The following PCDH15 variants were observed in gnomAD, a reference collection of about 807,000 sequenced individuals.
PCDH15 encodes protocadherin related 15.
In PCDH15, 129 loss-of-function variants were observed where a neutral mutation model predicts 178.5. The observed-to-expected ratio is 0.72, with a 90% CI of 0.63 to 0.84. PCDH15 has a LOEUF of 0.84. Among genes scored for constraint, PCDH15 ranks in the 40% least tolerant of loss-of-function variants. The probability of loss-of-function intolerance (pLI) is 0.00; values close to 1 mark genes in which losing one functional copy is unlikely to be tolerated. For synonymous variants in PCDH15, 800 were observed against 732.0 expected (o/e 1.09, Z -1.50); for missense variants, 2,230 against 2,099.9 (o/e 1.06, Z -1.21).
At chr10:54,193,635 C>G (rs1325268734) in intron 11 of PCDH15, among the ~76,000 whole-genome samples, 1 of 152,054 alleles carries the variant, frequency 6.6e-6, no homozygotes, top group Non-Finnish European at 1.5e-5. Flanking sequence ...ACTCATGAAA[C>G]CCACTATACA....
intron 2 of PCDH15, among the ~76,000 whole-genome samples, chr10:54,547,393 A>C (rs927397546): frequency 6.6e-6 from 1 of 152,172 alleles, no homozygotes; most frequent in Non-Finnish European, 1.5e-5. Context: ...TGTAGAGCTT[A>C]AAAATCAATA....
chr10:54,220,572 C>A (rs990690630), intron 9 of PCDH15, among the ~76,000 whole-genome samples: 3 of 152,122 alleles, frequency 2.0e-5, no homozygotes, highest in Non-Finnish European at 2.9e-5. Context: ...AAATACATCT[C>A]CTTAGCACTT....
Position 53,803,402 on chromosome 10 carries a change from A to G in PCDH15, c.*3177T>C, listed in dbSNP as rs1415632745. On this transcript the variant is annotated 3_prime_UTR_variant, in exon 38 of 38. Coordinates refer to ENST00000644397, the MANE Select transcript of PCDH15 (RefSeq NM_001384140.1). ...ATATTCAATTACTTCTGGCTCTATG[A>G]TATAAAAATGTTTTTAAATAATATT... The G allele has an allele frequency of 6.6e-6, 1 of 151,970 alleles. No individual in the cohort carries two copies. The highest frequency in any genetic ancestry group is 2.4e-5 in the African/African-American group (1 of 41,426). The allele number at this position is 151,970 out of a possible 1,614,324, so 9.4% of individuals were successfully genotyped here. A position where few individuals can be genotyped will look rare whatever the true frequency, so the allele number is the denominator to read the frequency against.
At chr10:54,025,559 TG>T (rs2093058145) in intron 18 of PCDH15, among the ~76,000 whole-genome samples, 1 of 150,790 alleles carries the variant, frequency 6.6e-6, no homozygotes, top group Non-Finnish European at 1.5e-5. Context: ...AGTGCAGTGG[TG>T]CGATCTCGGC....
At chr10:55,345,141 GTCTC>G (rs764374706) in intron 2 of PCDH15, among the ~76,000 whole-genome samples, 2 of 150,718 alleles carry the variant, frequency 1.3e-5, no homozygotes, top group Non-Finnish European at 2.9e-5. Flanking sequence ...GTGTGTGTGT[GTCTC>G]TCTCTCTCTC....
chr10:54,489,462 C>T (rs1197455086), intron 3 of PCDH15, among the ~76,000 whole-genome samples: 1 of 152,068 alleles, frequency 6.6e-6, no homozygotes, highest in Non-Finnish European at 1.5e-5. Flanking sequence ...ATATGCTCCT[C>T]ATTTCTTACA....
At chr10:54,034,013 T>C (rs1003760312) in intron 18 of PCDH15, among the ~76,000 whole-genome samples, 8 of 151,806 alleles carry the variant, frequency 5.3e-5, no homozygotes, top group Non-Finnish European at 8.8e-5. Context: ...TCTTGTATCA[T>C]TTCTAGAAAA....
chr10:54,726,370 G>T (rs1942495857), intron 1 of PCDH15, among the ~76,000 whole-genome samples: 1 of 151,340 alleles, frequency 6.6e-6, no homozygotes, highest in Non-Finnish European at 1.5e-5. Context: ...TGATTCTCCA[G>T]TCATACCTCA....
At chr10:54,463,915 A>C (rs186026001) in intron 3 of PCDH15, among the ~76,000 whole-genome samples, 42 of 152,326 alleles carry the variant, frequency 2.8e-4, no homozygotes, top group African/African-American at 1.0e-3. Context: ...CATTTGAGAC[A>C]GAGAAAACAA....
chr10:53,979,640 T>C (rs2090462692), intron 21 of PCDH15, among the ~76,000 whole-genome samples: 1 of 152,212 alleles, frequency 6.6e-6, no homozygotes, highest in Non-Finnish European at 1.5e-5. Context: ...GCTTTTGTAC[T>C]CATGGGCCTC....
At position 54,185,010 on chromosome 10, in the gene PCDH15, TA is replaced by T. The variant is rs1233600834; in HGVS notation, c.1440+123del. 16 of 1,142,032 alleles carry T rather than the reference TA, an allele frequency of 1.4e-5. No homozygotes were observed. In the African/African-American group the frequency reaches 2.2e-4, roughly 16 times the overall value. The allele number at this position is 1,142,032 out of a possible 1,614,324, so 70.7% of individuals were successfully genotyped here. Reference sequence around the variant, plus strand: ...TTGATCTTCTCTCTGGTATTGAAAATAATGTATTTTTCCCCCAAGTCATTGA... The same window carrying T: ...TTGATCTTCTCTCTGGTATTGAAAATATGTATTTTTCCCCCAAGTCATTGA... On this transcript the variant is annotated intron_variant, in intron 12 of 37. Transcript: ENST00000644397.
intron 2 of PCDH15, among the ~76,000 whole-genome samples, chr10:55,401,862 T>A (rs1838079123): frequency 6.6e-6 from 1 of 152,068 alleles, no homozygotes; most frequent in African/African-American, 2.4e-5. Flanking sequence ...ACAGTTCTCA[T>A]TAAAACGTTT....
At chr10:53,930,803 A>C (rs2133976261) in intron 25 of PCDH15, among the ~76,000 whole-genome samples, 1 of 152,258 alleles carries the variant, frequency 6.6e-6, no homozygotes, top group Admixed American at 6.5e-5. Flanking sequence ...GATGGATTTG[A>C]AACTGAACTC....
At chr10:55,606,770 A>G (rs1468524968) in intron 2 of PCDH15, among the ~76,000 whole-genome samples, 18 of 144,664 alleles carry the variant, frequency 1.2e-4, no homozygotes, top group African/African-American at 4.4e-4. Context: ...AGACTTAAAC[A>G]TTAGACCTAA....
At chr10:54,530,855 T>C (rs1371791887) in intron 2 of PCDH15, among the ~76,000 whole-genome samples, 2 of 152,166 alleles carry the variant, frequency 1.3e-5, no homozygotes, top group Admixed American at 6.6e-5. Context: ...ACATAATAAA[T>C]AATCTATTAA....
intron 2 of PCDH15, among the ~76,000 whole-genome samples, chr10:55,527,460 T>C (rs1179170042): frequency 6.6e-6 from 1 of 152,002 alleles, no homozygotes; most frequent in Non-Finnish European, 1.5e-5. Context: ...ACTCCATTTA[T>C]GTAGATTAGG....
At chr10:54,285,606 T>C (rs1472880152) in intron 8 of PCDH15, among the ~76,000 whole-genome samples, 2 of 152,110 alleles carry the variant, frequency 1.3e-5, no homozygotes, top group Non-Finnish European at 2.9e-5. Flanking sequence ...GGAAACTCTA[T>C]TACACTGTTT....
chr10:54,592,805 A>T (rs2091968074), intron 2 of PCDH15, among the ~76,000 whole-genome samples: 2 of 152,154 alleles, frequency 1.3e-5, no homozygotes, highest in South Asian at 4.1e-4. Flanking sequence ...TTACATTCCC[A>T]TCAATATGTC....
At chr10:54,944,095 G>T (rs185009772) in intron 2 of PCDH15, among the ~76,000 whole-genome samples, 1 of 151,958 alleles carries the variant, frequency 6.6e-6, no homozygotes, top group African/African-American at 2.4e-5. Flanking sequence ...TGGACCAAAA[G>T]GAGTAAAATC....
Sources: allele counts gnomAD v4.1 joint callset (sites outside exome capture counted in the v4.1 genomes callset), GRCh38; gene constraint gnomAD v4.1.1; transcripts MANE v1.5; gene names NCBI Gene and HGNC (gene_info 2026-07-23, HGNC 2026-07-21).